The following SENP1 variants were observed in gnomAD, a reference collection of about 807,000 sequenced individuals.
SENP1 encodes the protein sentrin-specific protease 1.
In SENP1, 21 loss-of-function variants were observed where a neutral mutation model predicts 93.0. The observed-to-expected ratio is 0.23, with a 90% CI of 0.16 to 0.33. The LOEUF is 0.33. Among genes scored for constraint, SENP1 ranks in the 10% least tolerant of loss-of-function variants. SENP1 has a pLI of 1.00. For synonymous variants in SENP1, 256 were observed against 259.6 expected (o/e 0.99, Z 0.13); for missense variants, 591 against 758.7 (o/e 0.78, Z 2.60).
At chr12:48,073,757 ACTC>A (rs1178845804) in intron 8 of SENP1, among the ~76,000 whole-genome samples, 1 of 152,190 alleles carries the variant, frequency 6.6e-6, no homozygotes, top group Non-Finnish European at 1.5e-5. Flanking sequence ...ATGTTTCAAA[ACTC>A]CTACAACTTC....
At chr12:48,060,169 A>T (rs1170389561) in intron 13 of SENP1, among the ~76,000 whole-genome samples, 4 of 152,228 alleles carry the variant, frequency 2.6e-5, no homozygotes, top group African/African-American at 9.6e-5. Context: ...ACTACCTGTT[A>T]TCCAATGTCT....
intron 1 of SENP1, chr12:48,105,346 T>C (rs1177671471): frequency 7.7e-6 from 4 of 517,476 alleles, no homozygotes; most frequent in Non-Finnish European, 1.5e-5. Context: ...AAACGAGGCA[T>C]AGATCCAGAG....
At chr12:48,046,573 G>GC (rs1205078603) in intron 16 of SENP1, 122 bp from the exon 17 acceptor site, 5 of 725,446 alleles carry the variant, frequency 6.9e-6, no homozygotes, top group Admixed American at 6.5e-5. Flanking sequence ...GATGACTCTG[G>GC]CCCCCCAGTC....
intron 11 of SENP1, 55 bp from the exon 12 acceptor site, chr12:48,065,275 G>C (rs1943221960): frequency 7.4e-7 from 1 of 1,355,020 alleles, no homozygotes; most frequent in East Asian, 2.5e-5. Flanking sequence ...GATGTTCCTT[G>C]ATTTATGATA....
intron 8 of SENP1, among the ~76,000 whole-genome samples, chr12:48,072,694 TAAGAA>T (rs1943791264): frequency 6.6e-6 from 1 of 152,182 alleles, no homozygotes; most frequent in African/African-American, 2.4e-5. Flanking sequence ...TTTGATTTAA[TAAGAA>T]AAAAGTAACA....
chr12:48,065,338 A>T, intron 11 of SENP1, 118 bp from the exon 12 acceptor site: 1 of 828,474 alleles, frequency 1.2e-6, no homozygotes, highest in Non-Finnish European at 1.8e-6. Context: ...TTAAATGCCC[A>T]TTGCTTTCGC....
chr12:48,104,220 G>GAAAAA (rs772256640), intron 1 of SENP1, among the ~76,000 whole-genome samples: 1 of 101,030 alleles, frequency 9.9e-6, no homozygotes, highest in African/African-American at 4.1e-5. Context: ...AAAAAAAGAA[G>GAAAAA]AAAAAAATAT....
chr12:48,064,144 G>C (rs928626097), intron 12 of SENP1, among the ~76,000 whole-genome samples: 3 of 152,000 alleles, frequency 2.0e-5, no homozygotes, highest in Admixed American at 6.6e-5. Context: ...AAGCACATGA[G>C]AAAAATTAAC....
At chr12:48,058,244 C>A (rs1283142043) in intron 13 of SENP1, among the ~76,000 whole-genome samples, 1 of 152,098 alleles carries the variant, frequency 6.6e-6, no homozygotes, top group Non-Finnish European at 1.5e-5. Context: ...CTGCACTCGG[C>A]CCATTTTACT....
At chr12:48,078,334 T>TATATATATATATATATATATACACAC in intron 6 of SENP1, among the ~76,000 whole-genome samples, 5 of 67,906 alleles carry the variant, frequency 7.4e-5, no homozygotes, top group South Asian at 6.2e-4. Context: ...TATATATATA[T>TATATATATATATATATATATACACAC]ACACACACAT....
chr12:48,078,342 CAT>C (rs1221230274), intron 6 of SENP1, among the ~76,000 whole-genome samples: 33 of 21,534 alleles, frequency 1.5e-3, no homozygotes, highest in Non-Finnish European at 3.9e-3. Flanking sequence ...TATACACACA[CAT>C]ATATATATAC....
intron 1 of SENP1, among the ~76,000 whole-genome samples, chr12:48,102,454 AC>A (rs58818092): frequency 0.11 from 13,972 of 125,498 alleles, 777 homozygotes; most frequent in East Asian, 0.27. Context: ...AAAAAAAAAA[AC>A]CAAACACAAA....
rs1944713507 is a variant in SENP1, at chr12:48,084,550, G to A, written c.381-788C>T. On this transcript the variant is annotated intron_variant, in intron 5 of 17. Transcript: ENST00000549518. ...AGCAACCTCCACCTCCCAGGTTCAAGTGATTCTCCCGCCTCAGCCTCCCGA... is the reference window on the plus strand; with the variant it reads ...AGCAACCTCCACCTCCCAGGTTCAAATGATTCTCCCGCCTCAGCCTCCCGA... 2.1e-5 allele frequency among the ~76,000 whole-genome samples: 3 copies of A among 145,322 alleles called. No individual in the cohort carries two copies. The South Asian group carries it at 6.8e-4, about 33-fold the overall frequency.
At chr12:48,074,298 A>G (rs1362466564) in intron 8 of SENP1, 26 bp downstream of exon 8, 2 of 1,576,674 alleles carry the variant, frequency 1.3e-6, no homozygotes, top group Non-Finnish European at 1.7e-6. Context: ...AGGACTAAAA[A>G]TGTAGTTATA....
At chr12:48,077,632 T>C (rs750587264) in intron 6 of SENP1, among the ~76,000 whole-genome samples, 1 of 152,138 alleles carries the variant, frequency 6.6e-6, no homozygotes, top group South Asian at 2.1e-4. Context: ...GTACACAACA[T>C]GCAGGTTTGT....
chr12:48,086,541 T>C (rs1336635460), intron 5 of SENP1, among the ~76,000 whole-genome samples: 1 of 152,220 alleles, frequency 6.6e-6, no homozygotes, highest in Non-Finnish European at 1.5e-5. Flanking sequence ...GAGGTCAGTC[T>C]AGCATCATGA....
chr12:48,065,112 C>G lies in SENP1; in HGVS notation c.1228G>C (p.Gly410Arg), dbSNP rs1565759691. ...VTVVQETQKK[G>R]HKLTDSEDEF... is the part of the protein sequence containing the mutation. ...TCTTCACTATCAGTTAATTTATGAC[C>G]TTTTTTTTGTGTTTCTTGGACAACA... The change falls in exon 12 of 18, where the codon GGT becomes CGT. Residue 410 changes from glycine to arginine, a missense_variant. Gly to Arg is a moderately radical substitution (Grantham distance 125). Coordinates refer to ENST00000549518, the MANE Select transcript of SENP1 (RefSeq NM_001267594.2). The G allele has an allele frequency of 6.2e-7, 1 of 1,606,028 alleles. No homozygotes were observed.
chr12:48,075,719 C>T (rs1424921157), intron 6 of SENP1, among the ~76,000 whole-genome samples: 2 of 152,072 alleles, frequency 1.3e-5, no homozygotes, highest in African/African-American at 4.8e-5. Flanking sequence ...AAATAAAGTT[C>T]CTGCCCTTGT....
chr12:48,082,918 T>G (rs1369911435), intron 6 of SENP1, among the ~76,000 whole-genome samples: 1 of 152,194 alleles, frequency 6.6e-6, no homozygotes, highest in Admixed American at 6.5e-5. Context: ...AAAACAATTT[T>G]TTTTTGAGAT....
Sources: gnomAD v4.1 joint callset for allele counts (sites outside exome capture counted in the v4.1 genomes callset) on GRCh38, gnomAD v4.1.1 for gene constraint, MANE v1.5 for transcripts, NCBI Gene and HGNC (gene_info 2026-07-23, HGNC 2026-07-21) for gene names.